ARID1B: variants seen among roughly 807,000 people sequenced by gnomAD.
ARID1B encodes the protein AT-rich interaction domain 1B.
In ARID1B, 30 loss-of-function variants were observed where a neutral mutation model predicts 212.3. The ratio of observed to expected loss-of-function variants is 0.14; its 90% CI spans 0.11 to 0.19. The LOEUF is 0.19. Among genes scored for constraint, ARID1B ranks in the 10% least tolerant of loss-of-function variants. The probability of loss-of-function intolerance (pLI) is 1.00; values close to 1 mark genes in which losing one functional copy is unlikely to be tolerated. For synonymous variants in ARID1B, 1,402 were observed against 1,301.7 expected, an observed-to-expected ratio of 1.08 and a Z score of -1.66; for missense variants, 2,891 against 3,204.0, an observed-to-expected ratio of 0.90 and a Z score of 2.36.
Position 157,135,438 on chromosome 6 carries a change from A to C in ARID1B, c.2761+2231A>C, listed in dbSNP as rs1788842791. ...TTAATAGTAGAAACGATCTGAAATG[A>C]GAATGAATATTCCCACACTCAGCAC... On this transcript the variant is annotated intron_variant, in intron 7 of 19. Transcript: ENST00000636930. Among the ~76,000 whole-genome samples the C allele has an allele frequency of 1.3e-5, 2 of 152,190 alleles. 1 individual carries two copies. Among genetic ancestry groups the C allele is most frequent in the South Asian group, 4.1e-4 (2 of 4,828 alleles).
chr6:157,004,348 T>C (rs1347937404), intron 4 of ARID1B, among the ~76,000 whole-genome samples: 1 of 145,560 alleles, frequency 6.9e-6, no homozygotes, highest in Non-Finnish European at 1.6e-5. Context: ...ATATGTTTGC[T>C]AAGTGTTTAG....
chr6:156,855,188 A>C (rs771755494), intron 2 of ARID1B, among the ~76,000 whole-genome samples: 1 of 152,246 alleles, frequency 6.6e-6, no homozygotes, highest in Non-Finnish European at 1.5e-5. Flanking sequence ...CAAGTTTGTA[A>C]TACTATTATC....
intron 5 of ARID1B, 42 bp downstream of exon 5, chr6:157,084,947 A>G (rs2128463782): frequency 6.4e-7 from 1 of 1,560,954 alleles, no homozygotes; most frequent in Non-Finnish European, 8.7e-7. Context: ...TTTGTGATAA[A>G]GAGAGATTTC....
At chr6:156,993,989 G>A (rs927077184) in intron 4 of ARID1B, among the ~76,000 whole-genome samples, 5 of 152,190 alleles carry the variant, frequency 3.3e-5, no homozygotes, top group South Asian at 4.1e-4. Context: ...GCTCACAGAT[G>A]CCATTGTACC....
rs1203546101 is a variant in ARID1B at position 156,829,371 on chromosome 6, C to G, written c.1936C>G (p.Gln646Glu). The change falls in exon 2 of 20, where the codon CAG becomes GAG. Residue 646 changes from glutamine to glutamate, a missense_variant. By Grantham distance (29) the Gln-to-Glu change is conservative (BLOSUM62 2). Transcript: ENST00000636930. The stretch of plus-strand genomic sequence containing the variant: ...CCCACAGCGGTATCCAATTGGCATC[C>G]AGGGTCGGACTCCCGGGGCCATGGC... ...PGPQRYPIGI[Q>E]GRTPGAMAGM... The G allele has an allele frequency of 6.2e-7, 1 of 1,614,082 alleles. No homozygotes were observed. Among genetic ancestry groups the G allele is most frequent in the Non-Finnish European group, 8.5e-7 (1 of 1,180,048 alleles).
Position 157,091,420 on chromosome 6 carries a change from G to A in ARID1B, c.2491+6515G>A, listed in dbSNP as rs143025875. On this transcript the variant is annotated intron_variant, in intron 5 of 19. Transcript: ENST00000636930. ...AGCTAAGTAGATTTCTCTACCAGCC[G>A]ATATAGCTGCAGATACAAACAAGAA... 1.2e-4 allele frequency among the ~76,000 whole-genome samples: 19 copies of A among 152,318 alleles called. No homozygotes were observed. The East Asian group carries it at 3.5e-3, about 28-fold the overall frequency.
chr6:157,098,170 G>A (rs918452420), intron 5 of ARID1B, among the ~76,000 whole-genome samples: 15 of 151,782 alleles, frequency 9.9e-5, no homozygotes, highest in African/African-American at 3.6e-4. Context: ...GCCCTGGTGA[G>A]AGAAATATAA....
intron 7 of ARID1B, among the ~76,000 whole-genome samples, chr6:157,137,660 G>A (rs1382374001): frequency 6.6e-6 from 1 of 152,208 alleles, no homozygotes; most frequent in East Asian, 1.9e-4. Context: ...CTGTGAGTAA[G>A]TAGAGTTACC....
chr6:156,966,381 C>CTTTCTTTTTTTTT (rs1794742120), intron 4 of ARID1B, among the ~76,000 whole-genome samples: 4 of 89,434 alleles, frequency 4.5e-5, no homozygotes, highest in African/African-American at 1.5e-4. Context: ...CTTTTCTTTT[C>CTTTCTTTTTTTTT]TTTTCTTTTT....
chr6:157,050,111 G>C (rs1782496515), intron 4 of ARID1B, among the ~76,000 whole-genome samples: 1 of 152,112 alleles, frequency 6.6e-6, no homozygotes, highest in Admixed American at 6.5e-5. Flanking sequence ...CCTCACTGAG[G>C]GTCTTCCATC....
intron 2 of ARID1B, among the ~76,000 whole-genome samples, chr6:156,898,323 C>T (rs1420449382): frequency 3.9e-5 from 6 of 152,298 alleles, no homozygotes; most frequent in East Asian, 1.9e-4. Flanking sequence ...GCTTTCCTCA[C>T]GCATCGGTCC....
chr6:157,023,685 A>G (rs1210190190), intron 4 of ARID1B: 1 of 152,252 alleles, frequency 6.6e-6, no homozygotes, highest in Non-Finnish European at 1.5e-5. Flanking sequence ...CCAAATAAAT[A>G]TCAACAAGGC....
At chr6:156,961,151 A>AG (rs1220051074) in intron 4 of ARID1B, among the ~76,000 whole-genome samples, 1 of 152,228 alleles carries the variant, frequency 6.6e-6, no homozygotes, top group East Asian at 1.9e-4. Flanking sequence ...TCCAGAAAGA[A>AG]GGGTGCAGCT....
rs1208525669 is a variant in ARID1B, at chr6:157,206,840, G to T, written c.6068G>T (p.Ser2023Ile). The T allele has an allele frequency of 1.9e-6, 3 of 1,614,116 alleles. No homozygotes were observed. Among genetic ancestry groups the T allele is most frequent in the Admixed American group, 1.7e-5 (1 of 60,036 alleles). The change falls in exon 20 of 20, where the codon AGC becomes ATC. Residue 2023 changes from serine (S) to isoleucine (I), a missense_variant. Coordinates refer to ENST00000636930, the MANE Select transcript of ARID1B (RefSeq NM_001374828.1). The surrounding 1 kb of genome is among the most constrained non-coding windows in gnomAD (Gnocchi z 6.8). Reference protein sequence around the residue: ...EDANPGPQTESSKFPFGIQQA... With the variant: ...EDANPGPQTEISKFPFGIQQA... ...GCAAACCCTGGGCCCCAGACCGAAA[G>T]CAGTAAGTTTCCCTTTGGTATCCAG...
At chr6:156,872,404 C>A (rs1333043177) in intron 2 of ARID1B, among the ~76,000 whole-genome samples, 1 of 152,198 alleles carries the variant, frequency 6.6e-6, no homozygotes, top group Non-Finnish European at 1.5e-5. Flanking sequence ...TCACTGCGAG[C>A]TCCGTCTCCC....
chr6:156,913,914 G>A lies in ARID1B; in HGVS notation c.2136+12389G>A, dbSNP rs530873582. Among the ~76,000 whole-genome samples, 7 of 136,508 alleles carry A rather than the reference G, an allele frequency of 5.1e-5. 1 individual carries two copies. The highest frequency in any genetic ancestry group is 0.011 in the Middle Eastern group (2 of 180). The allele number at this position is 136,508 out of a possible 152,430, so 89.6% of individuals were successfully genotyped here. The stretch of plus-strand genomic sequence containing the variant: ...CAGCAACCAGCCCATCCCAGCCCCC[G>A]GTGATCCCATTCCACTCTCCACTCC... On this transcript the variant is annotated intron_variant, in intron 3 of 19. Transcript: ENST00000636930.
chr6:157,121,386 T>G (rs1787699429), intron 6 of ARID1B, among the ~76,000 whole-genome samples: 1 of 152,164 alleles, frequency 6.6e-6, no homozygotes, highest in Non-Finnish European at 1.5e-5. Flanking sequence ...TAAATACAGT[T>G]TCATTCTATT....
chr6:157,178,223 A>G (rs1792241003), intron 11 of ARID1B, among the ~76,000 whole-genome samples: 1 of 152,070 alleles, frequency 6.6e-6, no homozygotes, highest in African/African-American at 2.4e-5. Flanking sequence ...TCCTGTTAGC[A>G]TGTTCCAAGC....
At chr6:156,812,980 G>GTATATACATATA (rs1562404134) in intron 1 of ARID1B, among the ~76,000 whole-genome samples, 1 of 61,414 alleles carries the variant, frequency 1.6e-5, no homozygotes, top group African/African-American at 5.2e-5. Context: ...GTGTGTGTAT[G>GTATATACATATA]TATATACATA....
Sources: gnomAD v4.1 joint callset for allele counts (sites outside exome capture counted in the v4.1 genomes callset) on GRCh38, gnomAD v4.1.1 for gene constraint, Gnocchi (gnomAD v3.1) non-coding constraint, MANE v1.5 for transcripts, NCBI Gene and HGNC (gene_info 2026-07-23, HGNC 2026-07-21) for gene names.